The following SLC4A4 variants were observed in gnomAD, a reference collection of about 807,000 sequenced individuals.
The protein encoded by SLC4A4 is electrogenic sodium bicarbonate cotransporter 1.
A neutral mutation model predicts 111.5 loss-of-function variants in SLC4A4; 27 were observed. The observed-to-expected ratio is 0.24, with a 90% CI of 0.18 to 0.33. SLC4A4 has a LOEUF of 0.33. Ranked by LOEUF, SLC4A4 falls within the 10% of genes least tolerant of loss-of-function variation. The pLI, the probability that SLC4A4 is intolerant of heterozygous loss-of-function variation, is 1.00. For missense variants in SLC4A4, 909 were observed against 1,315.5 expected, an observed-to-expected ratio of 0.69 and a Z score of 4.78; for synonymous variants, 443 against 463.4, an observed-to-expected ratio of 0.96 and a Z score of 0.57.
intron 7 of SLC4A4, among the ~76,000 whole-genome samples, chr4:71,397,980 T>G (rs188242027): frequency 1.3e-5 from 2 of 152,270 alleles, no homozygotes; most frequent in South Asian, 2.1e-4. Context: ...AAAAAAATAC[T>G]TTGGTAAATT....
intron 16 of SLC4A4, among the ~76,000 whole-genome samples, chr4:71,521,829 A>G (rs762801369): frequency 1.3e-5 from 2 of 152,152 alleles, no homozygotes; most frequent in Non-Finnish European, 2.9e-5. Flanking sequence ...GTTTTTCTTT[A>G]TCAAATTAAA....
At chr4:71,381,147 T>G (rs918143562) in intron 6 of SLC4A4, among the ~76,000 whole-genome samples, 3 of 152,168 alleles carry the variant, frequency 2.0e-5, no homozygotes, top group African/African-American at 7.2e-5. Context: ...ACTAGGTGAA[T>G]GTAGCAGAGA....
intron 2 of SLC4A4, among the ~76,000 whole-genome samples, chr4:71,138,943 G>A (rs1303464827): frequency 2.0e-5 from 3 of 150,992 alleles, no homozygotes; most frequent in African/African-American, 4.9e-5. Flanking sequence ...GGCTGAGGCG[G>A]GAGAACGGTG....
At chr4:71,460,279 T>G (rs1241059109) in intron 12 of SLC4A4, among the ~76,000 whole-genome samples, 1 of 152,140 alleles carries the variant, frequency 6.6e-6, no homozygotes, top group African/African-American at 2.4e-5. Context: ...CTTTTCTGTT[T>G]TCGTTTAAAT....
intron 1 of SLC4A4, among the ~76,000 whole-genome samples, chr4:71,193,195 T>C (rs913434369): frequency 6.6e-6 from 1 of 152,236 alleles, no homozygotes; most frequent in Non-Finnish European, 1.5e-5. Context: ...TCGCCCTGTC[T>C]GTCGCCCAGG....
intron 2 of SLC4A4, among the ~76,000 whole-genome samples, chr4:71,115,273 A>C (rs1235328494): frequency 6.6e-6 from 1 of 151,838 alleles, no homozygotes; most frequent in African/African-American, 2.4e-5. Context: ...CCAGCATGGC[A>C]CATGTATACA....
intron 8 of SLC4A4, among the ~76,000 whole-genome samples, chr4:71,445,399 G>A (rs1489810740): frequency 1.3e-5 from 2 of 152,072 alleles, no homozygotes; most frequent in Non-Finnish European, 2.9e-5. Flanking sequence ...AGTGTCAGTT[G>A]ATAAATACAT....
At chr4:71,148,580 G>T (rs892050582) in intron 2 of SLC4A4, among the ~76,000 whole-genome samples, 1 of 152,002 alleles carries the variant, frequency 6.6e-6, no homozygotes, top group Non-Finnish European at 1.5e-5. Context: ...TCCAGTGTGT[G>T]TTGCTTCCTT....
At chr4:71,490,334 C>T (rs1560555404) in intron 15 of SLC4A4, among the ~76,000 whole-genome samples, 1 of 151,510 alleles carries the variant, frequency 6.6e-6, no homozygotes, top group Non-Finnish European at 1.5e-5. Context: ...CATCAGATTC[C>T]TTTTTTTTAA....
intron 3 of SLC4A4, chr4:71,300,753 T>C: frequency 2.6e-6 from 1 of 379,202 alleles, no homozygotes; most frequent in Non-Finnish European, 5.3e-6. Context: ...TTCGAAGGTC[T>C]TACAGGCCAT....
intron 1 of SLC4A4, among the ~76,000 whole-genome samples, chr4:71,073,244 G>T (rs1451035153): frequency 6.6e-6 from 1 of 151,842 alleles, no homozygotes; most frequent in Non-Finnish European, 1.5e-5. Flanking sequence ...CTCTTCCTTT[G>T]CTATTTTTAT....
chr4:71,556,088 T>G (rs1436038966), intron 21 of SLC4A4, among the ~76,000 whole-genome samples: 2 of 151,996 alleles, frequency 1.3e-5, no homozygotes, highest in Admixed American at 1.3e-4. Flanking sequence ...AAATAGTCCT[T>G]GCTTTTGCTT....
At chr4:71,352,711 G>C (rs190489081) in intron 5 of SLC4A4, among the ~76,000 whole-genome samples, 1 of 152,170 alleles carries the variant, frequency 6.6e-6, no homozygotes, top group African/African-American at 2.4e-5. Context: ...AGATGTATTT[G>C]CTGTCTACTT....
intron 14 of SLC4A4, among the ~76,000 whole-genome samples, chr4:71,482,846 G>A (rs1272718176): frequency 6.6e-6 from 1 of 151,558 alleles, no homozygotes; most frequent in Non-Finnish European, 1.5e-5. Context: ...GGTTAGAAAT[G>A]CTGTGTAAGA....
chr4:71,203,642 A>C (rs1321623698), intron 1 of SLC4A4, among the ~76,000 whole-genome samples: 2 of 152,170 alleles, frequency 1.3e-5, no homozygotes, highest in Admixed American at 1.3e-4. Flanking sequence ...CATTGACCTA[A>C]GTTTTTTAAA....
chr4:71,469,671 T>C (rs2149104115), intron 13 of SLC4A4, among the ~76,000 whole-genome samples: 1 of 152,126 alleles, frequency 6.6e-6, no homozygotes, highest in Admixed American at 6.6e-5. Context: ...CATTTTACTG[T>C]AATCATTACT....
chr4:71,363,409 G>A (rs757654351), intron 6 of SLC4A4, among the ~76,000 whole-genome samples: 13 of 152,064 alleles, frequency 8.5e-5, no homozygotes, highest in Non-Finnish European at 1.9e-4. Context: ...TAGCTTTCTC[G>A]TTCCCTTTAG....
chr4:71,220,799 G>A (rs928516787), intron 1 of SLC4A4, among the ~76,000 whole-genome samples: 3 of 152,054 alleles, frequency 2.0e-5, no homozygotes, highest in South Asian at 2.1e-4. Context: ...TTTGTTGCAC[G>A]TATTATTTCA....
chr4:71,566,114 T>A (rs943067534), intron 24 of SLC4A4, among the ~76,000 whole-genome samples: 2 of 151,870 alleles, frequency 1.3e-5, no homozygotes, highest in Non-Finnish European at 2.9e-5. Context: ...CAGCCTGGAT[T>A]TGAAGAACAA....
Sources: allele counts gnomAD v4.1 joint callset (sites outside exome capture counted in the v4.1 genomes callset), GRCh38; gene constraint gnomAD v4.1.1; transcripts MANE v1.5; gene names NCBI Gene and HGNC (gene_info 2026-07-23, HGNC 2026-07-21).